ARFRP1: variants seen among roughly 807,000 people sequenced by gnomAD.
ARFRP1 encodes the protein ADP-ribosylation factor-related protein 1.
Under a neutral mutation model 30.3 loss-of-function variants are expected in ARFRP1, and 19 were observed. The observed-to-expected ratio is 0.63, with a 90% CI of 0.44 to 0.92. The LOEUF (loss-of-function observed/expected upper bound fraction) is 0.92, where lower values mean the gene tolerates loss of function less well. Ranked by LOEUF, ARFRP1 falls within the 40% of genes least tolerant of loss-of-function variation. ARFRP1 has a pLI of 0.00. For synonymous variants in ARFRP1, 133 were observed against 114.2 expected (o/e 1.16, Z -1.05); for missense variants, 245 against 267.5 (o/e 0.92, Z 0.59).
At chr20:63,702,433 T>C in intron 4 of ARFRP1, 1 of 569,572 alleles carries the variant, frequency 1.8e-6, no homozygotes, top group Non-Finnish European at 3.1e-6. Context: ...CCGGCAACCT[T>C]TGGCCTGATG....
intron 6 of ARFRP1, chr20:63,701,292 C>T (rs759788631): frequency 3.8e-6 from 2 of 529,654 alleles, no homozygotes; most frequent in South Asian, 1.4e-5. Context: ...ATTCACCTGG[C>T]CCTCTGGACG....
Position 63,700,129 on chromosome 20 carries a change from C to T in ARFRP1, c.*314G>A. 2 of 406,692 alleles carry T rather than the reference C, an allele frequency of 4.9e-6. No homozygotes were observed. Among genetic ancestry groups the T allele is most frequent in the Non-Finnish European group, 9.3e-6 (2 of 214,448 alleles). The allele number at this position is 406,692 out of a possible 1,614,324, so 25.2% of individuals were successfully genotyped here. A position where few individuals can be genotyped will look rare whatever the true frequency, so the allele number is the denominator to read the frequency against. The stretch of plus-strand genomic sequence containing the variant: ...CTCATGCAGCCCAAGCCAGCCTGAG[C>T]ACTGGAGCCCCAATTCCCAACCAGG... On this transcript the variant is annotated 3_prime_UTR_variant, in exon 8 of 8. Coordinates refer to ENST00000622789, the MANE Select transcript of ARFRP1 (RefSeq NM_001267547.3).
chr20:63,702,706 C>G (rs2091271646), intron 4 of ARFRP1: 1 of 157,580 alleles, frequency 6.3e-6, no homozygotes, highest in Non-Finnish European at 1.4e-5. Flanking sequence ...TGCACTCCAG[C>G]CTGGGTGAGA....
intron 4 of ARFRP1, chr20:63,706,120 C>T: frequency 2.1e-6 from 1 of 485,592 alleles, no homozygotes. Flanking sequence ...CCACTGGCCC[C>T]ATCGCAGGGA....
Position 63,702,075 on chromosome 20 carries a change from C to T in ARFRP1, c.346+61G>A, listed in dbSNP as rs2145546487. 5 of 1,567,550 alleles carry T rather than the reference C, an allele frequency of 3.2e-6. No homozygotes were observed. In the East Asian group the frequency reaches 1.1e-4, roughly 35 times the overall value. On this transcript the variant is annotated intron_variant, in intron 5 of 7. Transcript: ENST00000622789. ...GAGCCTGCCCCAGGCACAGAGCTGC[C>T]CAAGCTGGACCTGCCCCCACTCACC...
Position 63,706,587 on chromosome 20 carries a change from T to C in ARFRP1, c.181+64A>G, listed in dbSNP as rs145809158. Reference sequence around the variant, plus strand: ...GACAGGGCTGTGGCCACGGGCCAGCTGGACTGTGAATATCACGGCATCCTC... The same window carrying C: ...GACAGGGCTGTGGCCACGGGCCAGCCGGACTGTGAATATCACGGCATCCTC... On this transcript the variant is annotated intron_variant, in intron 3 of 7. Coordinates refer to ENST00000622789, the MANE Select transcript of ARFRP1 (RefSeq NM_001267547.3). 2.7e-3 allele frequency: 4,195 copies of C among 1,532,794 alleles called. 68 individuals carry two copies. Among genetic ancestry groups the C allele is most frequent in the South Asian group, 0.024 (2,131 of 89,310 alleles). The allele number at this position is 1,532,794 out of a possible 1,614,324, so 94.9% of individuals were successfully genotyped here. A position where few individuals can be genotyped will look rare whatever the true frequency, so the allele number is the denominator to read the frequency against.
At chr20:63,707,196 C>T (rs971693524) in intron 1 of ARFRP1, 99 bp from the exon 2 acceptor site, 20 of 1,033,424 alleles carry the variant, frequency 1.9e-5, no homozygotes, top group Non-Finnish European at 2.7e-5. Flanking sequence ...CAGCCGACCG[C>T]TCAGGACGAG....
intron 1 of ARFRP1, 168 bp downstream of exon 1, chr20:63,707,699 G>A (rs916428266): frequency 1.3e-5 from 2 of 152,214 alleles, no homozygotes; most frequent in African/African-American, 2.4e-5. Context: ...CGACTGCGAA[G>A]GAAGAACCTG....
intron 5 of ARFRP1, 116 bp downstream of exon 5, chr20:63,702,020 A>G: frequency 3.4e-6 from 1 of 293,460 alleles, no homozygotes; most frequent in Non-Finnish European, 4.9e-6. Context: ...CCCGTCACCC[A>G]CTAGGCAGGA....
At position 63,706,354 on chromosome 20, in the gene ARFRP1, T is replaced by C; in HGVS notation, c.264+3A>G. On this transcript the variant is annotated splice_donor_region_variant and intron_variant, in intron 4 of 7. Transcript: ENST00000622789. The stretch of plus-strand genomic sequence containing the variant: ...GGGGGTGGTCCTGGCCAGGGAGTCT[T>C]ACCTTGTCCCACAAAGACTGCAGCT... 7.4e-6 allele frequency: 12 copies of C among 1,612,924 alleles called. No homozygotes were observed. The highest frequency in any genetic ancestry group is 9.3e-6 in the Non-Finnish European group (11 of 1,179,702).
chr20:63,706,062 C>CTCTGA, intron 4 of ARFRP1: 1 of 396,380 alleles, frequency 2.5e-6, no homozygotes, highest in East Asian at 6.1e-5. Flanking sequence ...CTAATACATG[C>CTCTGA]TCTGATCTGA....
chr20:63,704,350 A>T (rs1246776317), intron 4 of ARFRP1: 3 of 152,260 alleles, frequency 2.0e-5, no homozygotes, highest in Admixed American at 1.3e-4. Context: ...CTCAGCAGAC[A>T]CGCTGAATGA....
rs1375889153 is a variant in ARFRP1, at chr20:63,699,523, CTT to C, written c.*918_*919del. 1 of 152,392 alleles carries C rather than the reference CTT, an allele frequency of 6.6e-6. No individual in the cohort carries two copies. Among genetic ancestry groups the C allele is most frequent in the Non-Finnish European group, 1.5e-5 (1 of 68,110 alleles). 9.4% of individuals were successfully genotyped at this position (152,392 alleles called of 1,614,324 possible). ...GGATGGACAGAGCCACACTCGCCGTCTTTATTTTGCACTCACCCTGGGTGACA... is the reference window on the plus strand; with the variant it reads ...GGATGGACAGAGCCACACTCGCCGTCTATTTTGCACTCACCCTGGGTGACA... On this transcript the variant is annotated 3_prime_UTR_variant, in exon 8 of 8. Transcript: ENST00000622789.
Position 63,700,272 on chromosome 20 carries a change from T to A in ARFRP1, c.*171A>T, listed in dbSNP as rs1035167899. ...CAGACTCCCCTCCAAAGCCTCCGGA[T>A]GCCTACGCTTTTCCAGACATAGAGG... On this transcript the variant is annotated 3_prime_UTR_variant, in exon 8 of 8. Transcript: ENST00000622789. 2.0e-6 allele frequency: 2 copies of A among 1,006,256 alleles called. No homozygotes were observed. Among genetic ancestry groups the A allele is most frequent in the African/African-American group, 3.2e-5 (2 of 61,788 alleles). The allele number at this position is 1,006,256 out of a possible 1,614,324, so 62.3% of individuals were successfully genotyped here.
At chr20:63,702,692 C>T in intron 4 of ARFRP1, 1 of 163,592 alleles carries the variant, frequency 6.1e-6, no homozygotes, top group South Asian at 1.6e-4. Flanking sequence ...TCTGATCACA[C>T]CACTGCACTC....
chr20:63,703,202 G>A (rs900164233), intron 4 of ARFRP1: 1 of 152,258 alleles, frequency 6.6e-6, no homozygotes, highest in African/African-American at 2.4e-5. Flanking sequence ...ACAAGCTGGT[G>A]GTCAGTGTGT....
chr20:63,704,248 C>T (rs2091349151), intron 4 of ARFRP1: 1 of 152,260 alleles, frequency 6.6e-6, no homozygotes, highest in Admixed American at 6.5e-5. Context: ...CCCTTCCGGT[C>T]CCTCCCAGTG....
At chr20:63,704,472 G>A in intron 4 of ARFRP1, 1 of 152,356 alleles carries the variant, frequency 6.6e-6, no homozygotes, top group Non-Finnish European at 1.5e-5. Flanking sequence ...GACCCAGGGA[G>A]CCACTGGCCC....
chr20:63,701,368 G>A (rs557132820), intron 6 of ARFRP1: 10 of 537,656 alleles, frequency 1.9e-5, no homozygotes, highest in Non-Finnish European at 1.9e-5. Flanking sequence ...CAGTGCTCCC[G>A]GGGGCAGTGG....
Sources: gnomAD v4.1 joint callset for allele counts on GRCh38, gnomAD v4.1.1 for gene constraint, MANE v1.5 for transcripts, NCBI Gene and HGNC (gene_info 2026-07-23, HGNC 2026-07-21) for gene names.